Variants in ZSWIM6 observed in about 807,000 individuals in gnomAD.
ZSWIM6 encodes zinc finger SWIM domain-containing protein 6.
Under a neutral mutation model 113.2 loss-of-function variants are expected in ZSWIM6, and 9 were observed. That is an observed-to-expected ratio of 0.08 (90% CI 0.05 to 0.14). ZSWIM6 has a LOEUF of 0.14. Ranked by LOEUF, ZSWIM6 falls within the 10% of genes least tolerant of loss-of-function variation. ZSWIM6 has a pLI of 1.00. For synonymous variants in ZSWIM6, 611 were observed against 606.5 expected, an observed-to-expected ratio of 1.01 and a Z score of -0.11; for missense variants, 1,162 against 1,552.2, an observed-to-expected ratio of 0.75 and a Z score of 4.22.
In ZSWIM6 at chr5:61,543,609, C is replaced by T. The variant is rs753366570; in HGVS notation, c.2940C>T (p.Ala980=). 5.2e-6 allele frequency: 8 copies of T among 1,551,670 alleles called. No individual in the cohort carries two copies. The highest frequency in any genetic ancestry group is 4.1e-5 in the African/African-American group (3 of 73,060). ...AGCAGGAAAAGCTGGCCAGCAGCGC[C>T]CGGACACTTGCACTGCAGTGTGCCA... is the stretch of plus-strand genomic sequence containing the variant. ...CHQQEKLASS[A]RTLALQCAMK... The change falls in exon 14 of 14, where the codon GCC becomes GCT. Residue 980 remains alanine, a synonymous_variant. Transcript: ENST00000252744. This position sits in a 1 kb window ranked among gnomAD's most constrained non-coding sequence, Gnocchi z 4.3.
intron 1 of ZSWIM6, among the ~76,000 whole-genome samples, chr5:61,368,852 G>A (rs926541418): frequency 6.6e-6 from 1 of 152,206 alleles, no homozygotes; most frequent in Non-Finnish European, 1.5e-5. Context: ...TGTAGTTTCT[G>A]CTTTGACATC....
chr5:61,423,094 T>G (rs2112126633), intron 1 of ZSWIM6, among the ~76,000 whole-genome samples: 1 of 152,276 alleles, frequency 6.6e-6, no homozygotes, highest in East Asian at 1.9e-4. Flanking sequence ...TAACTAGAAC[T>G]TCCAGTATTA....
chr5:61,416,858 G>A (rs1189793907), intron 1 of ZSWIM6, among the ~76,000 whole-genome samples: 2 of 152,238 alleles, frequency 1.3e-5, no homozygotes, highest in Admixed American at 6.5e-5. Flanking sequence ...GCATAAGGCC[G>A]GGCACAGTGG....
chr5:61,520,453 T>C (rs1377539610), intron 4 of ZSWIM6, among the ~76,000 whole-genome samples: 1 of 152,212 alleles, frequency 6.6e-6, no homozygotes, highest in Non-Finnish European at 1.5e-5. Context: ...GCCTTTATTC[T>C]AAATGTATGA....
Position 61,413,377 on chromosome 5 carries a change from A to G in ZSWIM6, c.677-59304A>G, listed in dbSNP as rs1157248293. ...TCATCATTTTTTATGGCTGCATAGT[A>G]TTCCATGGTGTATATGTGCCACATT... On this transcript the variant is annotated intron_variant, in intron 1 of 13. Coordinates refer to ENST00000252744, the MANE Select transcript of ZSWIM6 (RefSeq NM_020928.2). 3.3e-5 allele frequency among the ~76,000 whole-genome samples: 5 copies of G among 152,008 alleles called. 1 individual carries two copies. The highest frequency in any genetic ancestry group is 2.6e-4 in the Admixed American group (4 of 15,266).
chr5:61,434,459 C>T, intron 1 of ZSWIM6, among the ~76,000 whole-genome samples: 1 of 149,838 alleles, frequency 6.7e-6, no homozygotes, highest in Non-Finnish European at 1.5e-5. Flanking sequence ...TCACCTTTCC[C>T]CCACGAGTCC....
At chr5:61,411,150 G>A (rs886065138) in intron 1 of ZSWIM6, among the ~76,000 whole-genome samples, 16 of 152,194 alleles carry the variant, frequency 1.1e-4, no homozygotes, top group Non-Finnish European at 2.9e-5. Context: ...AGTGATTTGA[G>A]TGTGTATTTA....
intron 1 of ZSWIM6, among the ~76,000 whole-genome samples, chr5:61,396,321 C>G (rs1745836326): frequency 6.6e-6 from 1 of 152,042 alleles, no homozygotes; most frequent in Non-Finnish European, 1.5e-5. Flanking sequence ...ATCACAAGGT[C>G]AAGAGATCGA....
chr5:61,433,434 C>T (rs1254562942), intron 1 of ZSWIM6, among the ~76,000 whole-genome samples: 1 of 151,218 alleles, frequency 6.6e-6, no homozygotes, highest in African/African-American at 2.4e-5. Context: ...AATAGCTTAG[C>T]CTCTTGACCA....
In ZSWIM6 at chr5:61,355,974, CTT is replaced by C. The variant is rs950246987; in HGVS notation, c.676+23028_676+23029del. Among the ~76,000 whole-genome samples the C allele has an allele frequency of 2.0e-4, 30 of 152,192 alleles. 2 individuals are homozygous for C. The highest frequency in any genetic ancestry group is 7.0e-4 in the African/African-American group (29 of 41,520). ...AGGCCCTTTGGTCTCATAATAAGTT[CTT>C]TCTGTTTATGTATACAATTCAGTTA... On this transcript the variant is annotated intron_variant, in intron 1 of 13. Coordinates refer to ENST00000252744, the MANE Select transcript of ZSWIM6 (RefSeq NM_020928.2).
chr5:61,349,307 A>G (rs1744735597), intron 1 of ZSWIM6, among the ~76,000 whole-genome samples: 1 of 152,246 alleles, frequency 6.6e-6, no homozygotes, highest in Admixed American at 6.5e-5. Flanking sequence ...AGAACAGCCA[A>G]CTACTGTATT....
At chr5:61,485,721 C>T (rs1244903358) in intron 2 of ZSWIM6, among the ~76,000 whole-genome samples, 4 of 152,150 alleles carry the variant, frequency 2.6e-5, no homozygotes, top group African/African-American at 4.8e-5. Flanking sequence ...TGTGTGCACA[C>T]CATCAGAATA....
intron 1 of ZSWIM6, among the ~76,000 whole-genome samples, chr5:61,350,458 A>G (rs188576674): frequency 1.2e-3 from 182 of 152,278 alleles, no homozygotes; most frequent in Non-Finnish European, 2.1e-3. Context: ...TCTTTCATAT[A>G]TAGGAGATAC....
At chr5:61,449,859 A>G (rs975484362) in intron 1 of ZSWIM6, among the ~76,000 whole-genome samples, 17 of 152,168 alleles carry the variant, frequency 1.1e-4, no homozygotes, top group East Asian at 5.8e-4. Flanking sequence ...ACCTGTTCCC[A>G]GTTGATCTCC....
chr5:61,349,494 CTT>C (rs1438806600), intron 1 of ZSWIM6, among the ~76,000 whole-genome samples: 1 of 152,098 alleles, frequency 6.6e-6, no homozygotes, highest in African/African-American at 2.4e-5. Context: ...GTGGCATAGT[CTT>C]TGAGGGAGGT....
intron 1 of ZSWIM6, among the ~76,000 whole-genome samples, chr5:61,389,808 A>G (rs1003575663): frequency 3.9e-5 from 6 of 152,174 alleles, no homozygotes; most frequent in Admixed American, 3.9e-4. Context: ...ATATATCTTG[A>G]TGAGGACATG....
intron 4 of ZSWIM6, among the ~76,000 whole-genome samples, chr5:61,503,155 T>C (rs1024199258): frequency 1.3e-5 from 2 of 152,174 alleles, no homozygotes; most frequent in Non-Finnish European, 2.9e-5. Flanking sequence ...AATTCCAAAA[T>C]TAATATAAGA....
chr5:61,453,788 T>A (rs1747139765), intron 1 of ZSWIM6, among the ~76,000 whole-genome samples: 2 of 151,482 alleles, frequency 1.3e-5, no homozygotes, highest in Non-Finnish European at 2.9e-5. Context: ...GAGATTAAAC[T>A]CCACCTACAG....
At chr5:61,406,435 G>A (rs1477288247) in intron 1 of ZSWIM6, among the ~76,000 whole-genome samples, 3 of 152,028 alleles carry the variant, frequency 2.0e-5, no homozygotes, top group Admixed American at 2.0e-4. Flanking sequence ...TAGTTGAAAG[G>A]ACTAGATCAT....
Sources: gnomAD v4.1 joint callset for allele counts (sites outside exome capture counted in the v4.1 genomes callset) on GRCh38, gnomAD v4.1.1 for gene constraint, Gnocchi (gnomAD v3.1) non-coding constraint, MANE v1.5 for transcripts, NCBI Gene and HGNC (gene_info 2026-07-23, HGNC 2026-07-21) for gene names.